The following ZBTB12 variants were observed in gnomAD, a reference collection of about 807,000 sequenced individuals.
The protein encoded by ZBTB12 is zinc finger and BTB domain-containing protein 12.
ZBTB12 carries 1 observed loss-of-function variant against 6.4 expected under a neutral mutation model. The observed-to-expected ratio is 0.16, with a 90% confidence interval of 0.06 to 0.74. The LOEUF (loss-of-function observed/expected upper bound fraction) is 0.74, where lower values mean the gene tolerates loss of function less well. ZBTB12 is among the 30% of genes least tolerant of loss of function. The probability of loss-of-function intolerance (pLI) is 0.78; values close to 1 mark genes in which losing one functional copy is unlikely to be tolerated. For missense variants in ZBTB12, 344 were observed against 613.9 expected, an observed-to-expected ratio of 0.56 and a Z score of 4.65; for synonymous variants, 273 against 262.5, an observed-to-expected ratio of 1.04 and a Z score of -0.39.
At position 31,899,833 on chromosome 6, in the gene ZBTB12, C is replaced by T. The variant is rs1581989343; in HGVS notation, c.*93G>A. 6 of 1,383,572 alleles carry T rather than the reference C, an allele frequency of 4.3e-6. No homozygotes were observed. In the East Asian group the frequency reaches 1.2e-4, roughly 27 times the overall value. 85.7% of individuals were successfully genotyped at this position (1,383,572 alleles called of 1,614,324 possible). ...AGCCTCCCACTCTTACCTTTCTGCC[C>T]CAGACCCCCCACCCCCCAATTCTCC... is the stretch of plus-strand genomic sequence containing the variant. On this transcript the variant is annotated 3_prime_UTR_variant, in exon 2 of 2. Coordinates refer to ENST00000375527, the MANE Select transcript of ZBTB12 (RefSeq NM_181842.3).
chr6:31,899,940 C>G lies in ZBTB12; in HGVS notation c.1366G>C (p.Val456Leu). ...VLEASVAEINVLIR is the reference protein window; with the variant it reads ...VLEASVAEINLLIR Reference sequence around the variant, plus strand: ...CGCCTGCGCGGCTAGCGGATGAGGACGTTAATCTCGGCCACACTGGCCTCC... The same window carrying G: ...CGCCTGCGCGGCTAGCGGATGAGGAGGTTAATCTCGGCCACACTGGCCTCC... Residue 456 changes from valine (V) to leucine (L), a missense_variant, in exon 2 of 2, where the codon GTC becomes CTC. By Grantham distance (32) the Val-to-Leu change is conservative (BLOSUM62 1). This residue lies in a region of ZBTB12 where 15 missense variants were observed against 20.2 expected (regional missense o/e 0.74). Transcript: ENST00000375527. 2 of 1,586,490 alleles carry G rather than the reference C, an allele frequency of 1.3e-6. No individual in the cohort carries two copies. Among genetic ancestry groups the G allele is most frequent in the Non-Finnish European group, 1.7e-6 (2 of 1,164,464 alleles).
At position 31,900,380 on chromosome 6, in the gene ZBTB12, C is replaced by T; in HGVS notation, c.926G>A (p.Gly309Asp). The T allele has an allele frequency of 3.9e-6, 6 of 1,542,480 alleles. No individual in the cohort carries two copies. The South Asian group carries it at 4.8e-5, about 12-fold the overall frequency. Residue 309 changes from glycine to aspartate, a missense_variant, in exon 2 of 2, where the codon GGC (glycine) becomes GAC (aspartate). Gly to Asp is a moderately conservative substitution (Grantham distance 94). Transcript: ENST00000375527. The surrounding 1 kb of genome is among the most constrained non-coding windows in gnomAD (Gnocchi z 9.7). ...AVAMAARGAGGSLGAGGSRGP... is the reference protein window; with the variant it reads ...AVAMAARGAGDSLGAGGSRGP... ...CCGGCTGCCCCCCGCCCCCAGGCTGCCCCCCGCCCCCCGGGCAGCCATGGC... is the reference window on the plus strand; with the variant it reads ...CCGGCTGCCCCCCGCCCCCAGGCTGTCCCCCGCCCCCCGGGCAGCCATGGC...
rs1767141305 is a variant in ZBTB12, at chr6:31,900,547, G to A, written c.759C>T (p.Pro253=). The A allele has an allele frequency of 6.2e-7, 1 of 1,611,764 alleles. No individual in the cohort carries two copies. The highest frequency in any genetic ancestry group is 1.3e-5 in the African/African-American group (1 of 74,916). Residue 253 remains proline (P), a synonymous_variant, in exon 2 of 2, where the codon CCC becomes CCT. Coordinates refer to ENST00000375527, the MANE Select transcript of ZBTB12 (RefSeq NM_181842.3). This position sits in a 1 kb window ranked among gnomAD's most constrained non-coding sequence, Gnocchi z 9.7. ...LGELAQSSVP[P]STVAPPQGVV... Reference sequence around the variant, plus strand: ...CACCCTGCGGTGGGGCTACAGTGCTGGGGGGAACGCTGCTCTGGGCCAGCT... The same window carrying A: ...CACCCTGCGGTGGGGCTACAGTGCTAGGGGGAACGCTGCTCTGGGCCAGCT...
At position 31,900,678 on chromosome 6, in the gene ZBTB12, T is replaced by C. The variant is rs962603686; in HGVS notation, c.628A>G (p.Ile210Val). The C allele has an allele frequency of 6.2e-7, 1 of 1,612,236 alleles. No homozygotes were observed. Among genetic ancestry groups the C allele is most frequent in the Non-Finnish European group, 8.5e-7 (1 of 1,179,598 alleles). ...DEDEDVSDICIVKVESALEVA... is the reference protein window; with the variant it reads ...DEDEDVSDICVVKVESALEVA... ...TCCAGGGCCGACTCCACCTTGACGATGCAGATGTCAGACACGTCCTCATCC... is the reference window on the plus strand; with the variant it reads ...TCCAGGGCCGACTCCACCTTGACGACGCAGATGTCAGACACGTCCTCATCC... Residue 210 changes from isoleucine to valine, a missense_variant, in exon 2 of 2, where the codon ATC (isoleucine) becomes GTC (valine). This residue lies in a region of ZBTB12 where 241 missense variants were observed against 315.4 expected (regional missense o/e 0.76). Transcript: ENST00000375527. This position sits in a 1 kb window ranked among gnomAD's most constrained non-coding sequence, Gnocchi z 9.7.
At position 31,900,280 on chromosome 6, in the gene ZBTB12, G is replaced by T; in HGVS notation, c.1026C>A (p.Phe342Leu). 1.2e-6 allele frequency: 2 copies of T among 1,613,264 alleles called. No individual in the cohort carries two copies. The highest frequency in any genetic ancestry group is 1.1e-5 in the South Asian group (1 of 91,044). The change falls in exon 2 of 2, where the codon TTC becomes TTA. Residue 342 changes from phenylalanine (F) to leucine (L), a missense_variant. Coordinates refer to ENST00000375527, the MANE Select transcript of ZBTB12 (RefSeq NM_181842.3). This position sits in a 1 kb window ranked among gnomAD's most constrained non-coding sequence, Gnocchi z 9.7. ...NIKCTKCPEV[F>L]QGVEKLVFHM... ...GGAAGACCAGCTTCTCCACGCCCTG[G>T]AACACTTCCGGGCACTTGGTGCACT...
At position 31,900,064 on chromosome 6, in the gene ZBTB12, G is replaced by C. The variant is rs772106437; in HGVS notation, c.1242C>G (p.Pro414=). 4 of 1,613,266 alleles carry C rather than the reference G, an allele frequency of 2.5e-6. No homozygotes were observed. Among genetic ancestry groups the C allele is most frequent in the Middle Eastern group, 1.7e-4 (1 of 5,894 alleles). Residue 414 remains proline, a synonymous_variant, in exon 2 of 2, where the codon CCC becomes CCG. Transcript: ENST00000375527. The surrounding 1 kb of genome is among the most constrained non-coding windows in gnomAD (Gnocchi z 9.7). ...GCACGTCGCAGTAGGAGCAGCGGTAGGGCCGCGCTCCCGAGTGCAGGTTGA... is the reference window on the plus strand; with the variant it reads ...GCACGTCGCAGTAGGAGCAGCGGTACGGCCGCGCTCCCGAGTGCAGGTTGA... ...DHLNLHSGAR[P]YRCSYCDVRF...
At position 31,900,243 on chromosome 6, in the gene ZBTB12, G is replaced by C; in HGVS notation, c.1063C>G (p.Gln355Glu). 6.2e-7 allele frequency: 1 copy of C among 1,613,992 alleles called. No homozygotes were observed. Among genetic ancestry groups the C allele is most frequent in the South Asian group, 1.1e-5 (1 of 91,078 alleles). Reference protein sequence around the residue: ...VEKLVFHMRAQHFIFMCPRCG... With the variant: ...VEKLVFHMRAEHFIFMCPRCG... ...CGAGGGCACATGAAGATGAAGTGCTGCGCCCGCATGTGGAAGACCAGCTTC... is the reference window on the plus strand; with the variant it reads ...CGAGGGCACATGAAGATGAAGTGCTCCGCCCGCATGTGGAAGACCAGCTTC... Residue 355 changes from glutamine (Q) to glutamate (E), a missense_variant, in exon 2 of 2, where the codon CAG becomes GAG. Coordinates refer to ENST00000375527, the MANE Select transcript of ZBTB12 (RefSeq NM_181842.3). This position sits in a 1 kb window ranked among gnomAD's most constrained non-coding sequence, Gnocchi z 9.7.
chr6:31,899,723 T>C lies in ZBTB12; in HGVS notation c.*203A>G, dbSNP rs1767048432. The C allele has an allele frequency of 1.7e-6, 1 of 592,968 alleles. No homozygotes were observed. The highest frequency in any genetic ancestry group is 2.6e-5 in the South Asian group (1 of 38,252). 36.7% of individuals were successfully genotyped at this position (592,968 alleles called of 1,614,324 possible). ...TATTCCCCTGGCCTCCAAGAACCCT[T>C]TTCCCAGCTCCAGATTCTTGCACTC... is the stretch of plus-strand genomic sequence containing the variant. On this transcript the variant is annotated 3_prime_UTR_variant, in exon 2 of 2. Transcript: ENST00000375527.
intron 1 of ZBTB12, among the ~76,000 whole-genome samples, 158 bp from the exon 2 acceptor site, chr6:31,901,483 CCT>C (rs1237247382): frequency 6.6e-6 from 1 of 151,978 alleles, no homozygotes; most frequent in Non-Finnish European, 1.5e-5. Flanking sequence ...AGGTGCTGTC[CCT>C]CTGAGAGGAG....
chr6:31,900,262 C>T lies in ZBTB12; in HGVS notation c.1044G>A (p.Leu348=). ...AGTGCTGCGCCCGCATGTGGAAGAC[C>T]AGCTTCTCCACGCCCTGGAACACTT... The part of the protein sequence containing the change: ...CPEVFQGVEK[L]VFHMRAQHFI... The change falls in exon 2 of 2, where the codon CTG becomes CTA. Residue 348 remains leucine, a synonymous_variant. Transcript: ENST00000375527. The surrounding 1 kb of genome is among the most constrained non-coding windows in gnomAD (Gnocchi z 9.7). The T allele has an allele frequency of 2.5e-6, 4 of 1,613,674 alleles. No individual in the cohort carries two copies. The highest frequency in any genetic ancestry group is 1.1e-5 in the South Asian group (1 of 91,066).
chr6:31,900,395 G>A lies in ZBTB12; in HGVS notation c.911C>T (p.Ala304Val), dbSNP rs1367502223. The A allele has an allele frequency of 3.9e-6, 6 of 1,544,788 alleles. No homozygotes were observed. The highest frequency in any genetic ancestry group is 5.2e-6 in the Non-Finnish European group (6 of 1,145,084). The part of the protein sequence containing the change: ...LVEAAAVAMA[A>V]RGAGGSLGAG... ...CCCCAGGCTGCCCCCCGCCCCCCGG[G>A]CAGCCATGGCCACCGCTGCTGCTTC... Residue 304 changes from alanine to valine, a missense_variant, in exon 2 of 2, where the codon GCC becomes GTC. Physicochemically the swap from Ala to Val is moderately conservative, Grantham distance 64. Transcript: ENST00000375527. The surrounding 1 kb of genome is among the most constrained non-coding windows in gnomAD (Gnocchi z 9.7).
Position 31,900,262 on chromosome 6 carries a change from C to G in ZBTB12, c.1044G>C (p.Leu348=). 3.7e-6 allele frequency: 6 copies of G among 1,613,674 alleles called. No individual in the cohort carries two copies. The highest frequency in any genetic ancestry group is 5.1e-6 in the Non-Finnish European group (6 of 1,180,012). Residue 348 remains leucine (L), a synonymous_variant, in exon 2 of 2, where the codon CTG becomes CTC. Coordinates refer to ENST00000375527, the MANE Select transcript of ZBTB12 (RefSeq NM_181842.3). This position sits in a 1 kb window ranked among gnomAD's most constrained non-coding sequence, Gnocchi z 9.7. ...CPEVFQGVEK[L]VFHMRAQHFI... ...AGTGCTGCGCCCGCATGTGGAAGAC[C>G]AGCTTCTCCACGCCCTGGAACACTT...
In ZBTB12 at chr6:31,899,872, C is replaced by G. The variant is rs1767064725; in HGVS notation, c.*54G>C. 6.6e-7 allele frequency: 1 copy of G among 1,505,550 alleles called. No homozygotes were observed. The highest frequency in any genetic ancestry group is 8.8e-7 in the Non-Finnish European group (1 of 1,131,658). The allele number at this position is 1,505,550 out of a possible 1,614,324, so 93.3% of individuals were successfully genotyped here. A position where few individuals can be genotyped will look rare whatever the true frequency, so the allele number is the denominator to read the frequency against. On this transcript the variant is annotated 3_prime_UTR_variant, in exon 2 of 2. Coordinates refer to ENST00000375527, the MANE Select transcript of ZBTB12 (RefSeq NM_181842.3). ...CCCCAATTCTCCTGGGCCAAAGAGCCCTTTTTCCACGCAGCCCAGGGGCCC... is the reference window on the plus strand; with the variant it reads ...CCCCAATTCTCCTGGGCCAAAGAGCGCTTTTTCCACGCAGCCCAGGGGCCC...
intron 1 of ZBTB12, 67 bp from the exon 2 acceptor site, chr6:31,901,392 C>T: frequency 1.4e-6 from 2 of 1,407,892 alleles, no homozygotes; most frequent in Non-Finnish European, 1.9e-6. Flanking sequence ...CTCCAGGACC[C>T]TCGCCCCCAT....
chr6:31,901,566 C>G (rs1333163844), intron 1 of ZBTB12, among the ~76,000 whole-genome samples: 19 of 151,964 alleles, frequency 1.3e-4, no homozygotes, highest in African/African-American at 3.9e-4. Context: ...TAGGATGGGG[C>G]GAGCCCGCGC....
At position 31,900,679 on chromosome 6, in the gene ZBTB12, G is replaced by T; in HGVS notation, c.627C>A (p.Cys209Ter). The T allele has an allele frequency of 6.2e-7, 1 of 1,612,024 alleles. No homozygotes were observed. The highest frequency in any genetic ancestry group is 8.5e-7 in the Non-Finnish European group (1 of 1,179,518). ...CCAGGGCCGACTCCACCTTGACGAT[G>T]CAGATGTCAGACACGTCCTCATCCT... The part of the protein sequence containing the change: ...EDEDEDVSDI[C>*]IVKVESALEV... Residue 209 changes from cysteine (C) to a stop codon, truncating the protein, a stop_gained, in exon 2 of 2, where the codon TGC (cysteine) becomes TGA (stop). Transcript: ENST00000375527. LOFTEE classifies it high-confidence loss of function. This position sits in a 1 kb window ranked among gnomAD's most constrained non-coding sequence, Gnocchi z 9.7.
At position 31,899,877 on chromosome 6, in the gene ZBTB12, T is replaced by G. The variant is rs778162885; in HGVS notation, c.*49A>C. On this transcript the variant is annotated 3_prime_UTR_variant, in exon 2 of 2. Coordinates refer to ENST00000375527, the MANE Select transcript of ZBTB12 (RefSeq NM_181842.3). ...ATTCTCCTGGGCCAAAGAGCCCTTT[T>G]TCCACGCAGCCCAGGGGCCCCAGCC... 3 of 1,508,006 alleles carry G rather than the reference T, an allele frequency of 2.0e-6. No homozygotes were observed. The highest frequency in any genetic ancestry group is 1.8e-6 in the Non-Finnish European group (2 of 1,133,274). The allele number at this position is 1,508,006 out of a possible 1,614,324, so 93.4% of individuals were successfully genotyped here. A position where few individuals can be genotyped will look rare whatever the true frequency, so the allele number is the denominator to read the frequency against.
At position 31,900,903 on chromosome 6, in the gene ZBTB12, CTT is replaced by C; in HGVS notation, c.401_402del (p.Lys134ArgfsTer6). Reference protein sequence around the residue: ...SQFIEPKIGLKEDGVSEASLV... With the variant: ...SQFIEPKIGLXEDGVSEASLV... ...AGGCTAGCCTCACTGACCCCATCCTCTTTGAGGCCTATTTTGGGCTCAATGAA... is the reference window on the plus strand; with the variant it reads ...AGGCTAGCCTCACTGACCCCATCCTCTGAGGCCTATTTTGGGCTCAATGAA... On this transcript the variant is annotated frameshift_variant, in exon 2 of 2. Coordinates refer to ENST00000375527, the MANE Select transcript of ZBTB12 (RefSeq NM_181842.3). LOFTEE classifies it high-confidence loss of function. The surrounding 1 kb of genome is among the most constrained non-coding windows in gnomAD (Gnocchi z 9.7). 4 of 1,614,168 alleles carry C rather than the reference CTT, an allele frequency of 2.5e-6. No homozygotes were observed. Among genetic ancestry groups the C allele is most frequent in the Non-Finnish European group, 2.5e-6 (3 of 1,180,048 alleles).
chr6:31,901,412 G>GC (rs1767255198), intron 1 of ZBTB12, 87 bp from the exon 2 acceptor site: 1 of 1,240,952 alleles, frequency 8.1e-7, no homozygotes, highest in Non-Finnish European at 1.1e-6. Context: ...TTCTTGCCCA[G>GC]CCCCCCGGCA....
Sources: gnomAD v4.1 joint callset for allele counts (sites outside exome capture counted in the v4.1 genomes callset) on GRCh38, gnomAD v4.1.1 for gene constraint, gnomAD v4.1.1 regional missense constraint, Gnocchi (gnomAD v3.1) non-coding constraint, MANE v1.5 for transcripts, NCBI Gene and HGNC (gene_info 2026-07-23, HGNC 2026-07-21) for gene names.